Variants in MTAP observed in about 807,000 individuals in gnomAD.
MTAP encodes the protein S-methyl-5'-thioadenosine phosphorylase.
Under a neutral mutation model 33.6 loss-of-function variants are expected in MTAP, and 33 were observed. The observed-to-expected ratio is 0.98, with a 90% confidence interval of 0.74 to 1.31. The LOEUF is 1.31. MTAP is among the 40% of genes most tolerant of loss of function. MTAP has a pLI of 0.00. For synonymous variants in MTAP, 148 were observed against 125.7 expected (o/e 1.18, Z -1.19); for missense variants, 367 against 360.0 (o/e 1.02, Z -0.16).
At chr9:21,895,158 T>C (rs7044807) in intron 1 of MTAP, among the ~76,000 whole-genome samples, 40,689 of 152,074 alleles carry the variant, frequency 0.27, 5,879 homozygotes, top group East Asian at 0.38. Flanking sequence ...ACGTTTTTCA[T>C]AGAATTAGAA....
chr9:21,818,252 G>A (rs762213920), intron 4 of MTAP, 50 bp downstream of exon 4: 4 of 1,521,266 alleles, frequency 2.6e-6, no homozygotes, highest in South Asian at 1.1e-5. Flanking sequence ...GTCATTTTCA[G>A]CTCAAATGGA....
rs372472076 is a variant in MTAP, at chr9:21,854,901, G to C, written c.690+31G>C. 9.5e-5 allele frequency: 153 copies of C among 1,610,668 alleles called. 1 individual carries two copies. The South Asian group carries it at 1.6e-3, about 17-fold the overall frequency. ...TGGAATTCTTTTCTAAGCACATATA[G>C]CATGGGTTTCTGGGTGCCAATAGGG... On this transcript the variant is annotated intron_variant, in intron 6 of 7. Transcript: ENST00000644715.
chr9:21,877,199 A>G (rs1826024836), intron 1 of MTAP, among the ~76,000 whole-genome samples: 1 of 152,052 alleles, frequency 6.6e-6, no homozygotes, highest in Non-Finnish European at 1.5e-5. Context: ...TAATTTTTGT[A>G]CATTGATTTT....
rs1818687740 is a variant in MTAP at position 21,916,135 on chromosome 9, G to C, written c.148-14873G>C. On this transcript the variant is annotated intron_variant, in intron 1 of 1. Coordinates refer to the MTAP transcript ENST00000577563. ...AGGAAGGAAGGAGGGAGGGAAGGAAGGAAAATAACCTAGTTAAAAGTTTGT... is the reference window on the plus strand; with the variant it reads ...AGGAAGGAAGGAGGGAGGGAAGGAACGAAAATAACCTAGTTAAAAGTTTGT... Among the ~76,000 whole-genome samples the C allele has an allele frequency of 2.0e-5, 3 of 151,188 alleles. No homozygotes were observed. The South Asian group carries it at 6.3e-4, about 32-fold the overall frequency.
chr9:21,830,659 C>T (rs191984025), intron 4 of MTAP, among the ~76,000 whole-genome samples: 1 of 152,192 alleles, frequency 6.6e-6, no homozygotes, highest in Non-Finnish European at 1.5e-5. Flanking sequence ...TGGAACTTCT[C>T]TCCTATGGTA....
intron 1 of MTAP, among the ~76,000 whole-genome samples, chr9:21,926,690 C>T (rs1158193665): frequency 6.6e-6 from 1 of 152,168 alleles, no homozygotes; most frequent in Non-Finnish European, 1.5e-5. Flanking sequence ...TTGAGGGTGT[C>T]TCCTACAGTA....
rs1454661773 is a variant in MTAP at position 21,922,974 on chromosome 9, A to T, written c.148-8034A>T. Among the ~76,000 whole-genome samples the T allele has an allele frequency of 1.3e-5, 2 of 151,762 alleles. No homozygotes were observed. Among genetic ancestry groups the T allele is most frequent in the Non-Finnish European group, 2.9e-5 (2 of 67,924 alleles). ...TGTCTTTTTCCCCAAAACCCACACC[A>T]CCTATTCTCCTGTTTTCTCTGTGTG... On this transcript the variant is annotated intron_variant, in intron 1 of 1. Transcript: ENST00000577563. The surrounding 1 kb of genome is among the most constrained non-coding windows in gnomAD (Gnocchi z 4.8).
chr9:21,806,451 C>A (rs1019160476), intron 1 of MTAP, among the ~76,000 whole-genome samples: 10 of 152,050 alleles, frequency 6.6e-5, no homozygotes, highest in Non-Finnish European at 1.5e-4. Flanking sequence ...AGGATTCCTT[C>A]CTCCCAGATA....
chr9:21,877,756 T>A (rs1277007019), intron 1 of MTAP, among the ~76,000 whole-genome samples: 1 of 152,194 alleles, frequency 6.6e-6, no homozygotes, highest in Non-Finnish European at 1.5e-5. Context: ...TGGATTCGAT[T>A]TGCTAGTATT....
chr9:21,846,848 A>G (rs73429390), intron 5 of MTAP, among the ~76,000 whole-genome samples: 85 of 152,370 alleles, frequency 5.6e-4, no homozygotes, highest in African/African-American at 1.9e-3. Context: ...CCGTTGACCA[A>G]TGAGTGAATA....
At chr9:21,940,919 C>A (rs1326821350), downstream of MTAP, 15 of 769,366 alleles carry the variant, frequency 1.9e-5, no homozygotes, top group Non-Finnish European at 2.4e-5. Context: ...CCCCAACCCC[C>A]AGAAGTGGAA....
chr9:21,909,864 A>G (rs1001880117), intron 1 of MTAP, among the ~76,000 whole-genome samples: 1 of 152,184 alleles, frequency 6.6e-6, no homozygotes, highest in Non-Finnish European at 1.5e-5. Context: ...TCGGGATGTT[A>G]TGTAACTTGC....
chr9:21,872,546 G>A (rs1825952965), intron 1 of MTAP, among the ~76,000 whole-genome samples: 1 of 152,130 alleles, frequency 6.6e-6, no homozygotes, highest in African/African-American at 2.4e-5. Flanking sequence ...TCACTCATCA[G>A]TGTTATATAC....
chr9:21,907,012 C>T (rs373686480), intron 1 of MTAP, among the ~76,000 whole-genome samples: 1 of 152,114 alleles, frequency 6.6e-6, no homozygotes, highest in East Asian at 1.9e-4. Flanking sequence ...TATTTTCCAC[C>T]AACTAAGGGT....
chr9:21,870,341 G>A (rs1237484404), downstream of MTAP, among the ~76,000 whole-genome samples: 1 of 152,136 alleles, frequency 6.6e-6, no homozygotes. Context: ...CCTCCAAAAT[G>A]TACAACCTCT....
chr9:21,844,006 GA>G (rs1371865211), intron 5 of MTAP, among the ~76,000 whole-genome samples: 1 of 152,008 alleles, frequency 6.6e-6, no homozygotes, highest in Non-Finnish European at 1.5e-5. Context: ...ACCAAGAAGA[GA>G]AAAGATCCAA....
rs555141764 is a variant in MTAP at position 21,898,934 on chromosome 9, G to T, written c.148-32074G>T. 5.3e-5 allele frequency among the ~76,000 whole-genome samples: 8 copies of T among 152,168 alleles called. No homozygotes were observed. In the East Asian group the frequency reaches 1.5e-3, roughly 29 times the overall value. ...TGCTGTTATAAAGACACATGCACAT[G>T]TATGTTTATTGTGGCACTATTCACA... On this transcript the variant is annotated intron_variant, in intron 1 of 1. Coordinates refer to the MTAP transcript ENST00000577563.
At chr9:21,845,534 G>A (rs1825359281) in intron 5 of MTAP, among the ~76,000 whole-genome samples, 1 of 152,048 alleles carries the variant, frequency 6.6e-6, no homozygotes, top group South Asian at 2.1e-4. Flanking sequence ...ACAAAAAAAT[G>A]GAAACATACC....
chr9:21,925,362 A>C (rs1170702017), intron 1 of MTAP, among the ~76,000 whole-genome samples: 1 of 152,184 alleles, frequency 6.6e-6, no homozygotes, highest in Non-Finnish European at 1.5e-5. Context: ...AGGAAACTCT[A>C]AAAACTAGCA....
Sources: gnomAD v4.1 joint callset for allele counts (sites outside exome capture counted in the v4.1 genomes callset) on GRCh38, gnomAD v4.1.1 for gene constraint, Gnocchi (gnomAD v3.1) non-coding constraint, MANE v1.5 for transcripts, NCBI Gene and HGNC (gene_info 2026-07-23, HGNC 2026-07-21) for gene names.